The following CADPS variants were observed in gnomAD, a reference collection of about 807,000 sequenced individuals.
CADPS encodes the protein calcium-dependent secretion activator 1.
In CADPS, 57 loss-of-function variants were observed where a neutral mutation model predicts 167.3. The observed-to-expected ratio is 0.34, with a 90% CI of 0.28 to 0.42. CADPS has a LOEUF of 0.42. Ranked by LOEUF, CADPS falls within the 20% of genes least tolerant of loss-of-function variation. CADPS has a pLI of 1.00. For missense variants in CADPS, 1,414 were observed against 1,738.1 expected (o/e 0.81, Z 3.32); for synonymous variants, 676 against 635.3 (o/e 1.06, Z -0.96).
chr3:62,630,848 T>G (rs2065137132), intron 6 of CADPS, among the ~76,000 whole-genome samples: 1 of 152,136 alleles, frequency 6.6e-6, no homozygotes, highest in East Asian at 1.9e-4. Context: ...TTGATGTAAA[T>G]TTTAAGAGAC....
At chr3:62,738,565 A>C (rs2079502197) in intron 3 of CADPS, among the ~76,000 whole-genome samples, 1 of 152,032 alleles carries the variant, frequency 6.6e-6, no homozygotes, top group South Asian at 2.1e-4. Context: ...CTCTACTAAA[A>C]GTACAAAAAA....
At chr3:62,581,898 A>G (rs1472854252) in intron 8 of CADPS, among the ~76,000 whole-genome samples, 1 of 152,166 alleles carries the variant, frequency 6.6e-6, no homozygotes, top group Non-Finnish European at 1.5e-5. Context: ...AAAAGATGAA[A>G]ATTAGAAAGG....
chr3:62,469,913 CT>C (rs2060389723), intron 24 of CADPS, among the ~76,000 whole-genome samples: 1 of 152,182 alleles, frequency 6.6e-6, no homozygotes, highest in Non-Finnish European at 1.5e-5. Context: ...ACTTTTGCTT[CT>C]GATGGGCTGA....
chr3:62,491,661 T>C (rs1266993147), intron 20 of CADPS, among the ~76,000 whole-genome samples, 181 bp from the exon 21 acceptor site: 8 of 151,766 alleles, frequency 5.3e-5, no homozygotes, highest in Non-Finnish European at 2.9e-5. Flanking sequence ...AAAAAGTACA[T>C]AAAAAGCATT....
intron 13 of CADPS, 114 bp downstream of exon 13, chr3:62,532,757 G>T: frequency 2.7e-6 from 2 of 745,354 alleles, no homozygotes; most frequent in African/African-American, 1.7e-5. Context: ...GTGTACGTGT[G>T]CACATACCAC....
intron 6 of CADPS, among the ~76,000 whole-genome samples, chr3:62,637,472 G>T (rs184894318): frequency 6.6e-6 from 1 of 152,154 alleles, no homozygotes; most frequent in Non-Finnish European, 1.5e-5. Context: ...TTAGACTCAC[G>T]TGTTACACCT....
rs1050845470 is a variant in CADPS at position 62,601,319 on chromosome 3, A to G, written c.1326-8571T>C. ...TGTCTATGGCTTCTTTTGTGCAGCA[A>G]TGGCAGAATTGAGTAGTTATGACAG... On this transcript the variant is annotated intron_variant, in intron 6 of 29. Coordinates refer to ENST00000383710, the MANE Select transcript of CADPS (RefSeq NM_003716.4). This position sits in a 1 kb window ranked among gnomAD's most constrained non-coding sequence, Gnocchi z 4.3. Among the ~76,000 whole-genome samples the G allele has an allele frequency of 2.0e-5, 3 of 152,216 alleles. No individual in the cohort carries two copies. The highest frequency in any genetic ancestry group is 2.1e-4 in the South Asian group (1 of 4,830).
chr3:62,445,464 A>G (rs2057051283), intron 27 of CADPS, among the ~76,000 whole-genome samples: 1 of 152,162 alleles, frequency 6.6e-6, no homozygotes, highest in South Asian at 2.1e-4. Flanking sequence ...GGTGAACATG[A>G]TGAAAACAGA....
intron 13 of CADPS, among the ~76,000 whole-genome samples, chr3:62,522,097 C>CTATT (rs2070761530): frequency 2.3e-5 from 1 of 42,582 alleles, no homozygotes; most frequent in Non-Finnish European, 5.1e-5. Flanking sequence ...CCTCAAAGCT[C>CTATT]TATCTATCTA....
intron 3 of CADPS, among the ~76,000 whole-genome samples, chr3:62,677,343 G>A (rs541924810): frequency 6.6e-6 from 1 of 152,098 alleles, no homozygotes; most frequent in Admixed American, 6.6e-5. Flanking sequence ...ACCCACAAAG[G>A]TTTAGATTTG....
chr3:62,577,407 T>G (rs1374797599), intron 8 of CADPS, among the ~76,000 whole-genome samples: 1 of 152,176 alleles, frequency 6.6e-6, no homozygotes, highest in African/African-American at 2.4e-5. Context: ...AAATTTCTTA[T>G]AAGAACAGAA....
intron 1 of CADPS, among the ~76,000 whole-genome samples, chr3:62,793,745 GA>G (rs1424682334): frequency 6.6e-6 from 1 of 152,224 alleles, no homozygotes; most frequent in Non-Finnish European, 1.5e-5. Flanking sequence ...CATATGGTAT[GA>G]ATGTGTGTGT....
rs1553815721 is a variant in CADPS, at chr3:62,491,574, C to CACACACACAA, written c.2885-95_2885-94insTTGTGTGTGT. ...ACACACACAAACACACACACACACA[C>CACACACACAA]ACACACACACAGATGATTGATTGTC... On this transcript the variant is annotated intron_variant, in intron 20 of 29. Transcript: ENST00000383710. 4,252 of 979,274 alleles carry CACACACACAA rather than the reference C, an allele frequency of 4.3e-3. 129 individuals carry two copies. The African/African-American group carries it at 0.06, about 14-fold the overall frequency. 60.7% of individuals were successfully genotyped at this position (979,274 alleles called of 1,614,324 possible).
chr3:62,751,974 C>CA (rs1248004772), intron 3 of CADPS, among the ~76,000 whole-genome samples: 14 of 152,110 alleles, frequency 9.2e-5, no homozygotes, highest in African/African-American at 3.1e-4. Context: ...TTTGAGCAAG[C>CA]ACAGAAAATA....
chr3:62,753,015 TA>T lies in CADPS; in HGVS notation c.888+425del, dbSNP rs1365267728. Among the ~76,000 whole-genome samples the T allele has an allele frequency of 1.2e-4, 18 of 152,324 alleles. No individual in the cohort carries two copies. Among genetic ancestry groups the T allele is most frequent in the Admixed American group, 2.6e-4 (4 of 15,302 alleles). On this transcript the variant is annotated intron_variant, in intron 3 of 29. Transcript: ENST00000383710. The surrounding 1 kb of genome is among the most constrained non-coding windows in gnomAD (Gnocchi z 4.6). ...CGGGCCTTTTGCAAGCTTTCCATTT[TA>T]AAAAATTATTCTTGACAGGCAGGTG...
intron 1 of CADPS, among the ~76,000 whole-genome samples, chr3:62,829,512 T>A (rs2152979917): frequency 6.6e-6 from 1 of 152,166 alleles, no homozygotes; most frequent in Middle Eastern, 3.4e-3. Context: ...CAGGTTATAG[T>A]GAATATTGTA....
intron 13 of CADPS, among the ~76,000 whole-genome samples, chr3:62,520,200 T>A (rs576821713): frequency 6.6e-6 from 1 of 152,310 alleles, no homozygotes; most frequent in South Asian, 2.1e-4. Context: ...GAGATAAATA[T>A]CTCTGTGAAT....
At chr3:62,715,756 T>A (rs2084412261) in intron 3 of CADPS, among the ~76,000 whole-genome samples, 1 of 128,758 alleles carries the variant, frequency 7.8e-6, no homozygotes, top group South Asian at 2.8e-4. Flanking sequence ...TATAAATCTT[T>A]TTTTTTTTTT....
intron 7 of CADPS, among the ~76,000 whole-genome samples, chr3:62,589,305 G>A (rs1436309163): frequency 6.6e-6 from 1 of 152,240 alleles, no homozygotes; most frequent in Admixed American, 6.5e-5. Flanking sequence ...TGTCCAGCCA[G>A]CACAAGAGCC....
Sources: allele counts gnomAD v4.1 joint callset (sites outside exome capture counted in the v4.1 genomes callset), GRCh38; gene constraint gnomAD v4.1.1; non-coding constraint Gnocchi (gnomAD v3.1); transcripts MANE v1.5; gene names NCBI Gene and HGNC (gene_info 2026-07-23, HGNC 2026-07-21).